DAAM2: variants seen among roughly 807,000 people sequenced by gnomAD.
DAAM2 encodes disheveled-associated activator of morphogenesis 2.
Under a neutral mutation model 120.7 loss-of-function variants are expected in DAAM2, and 39 were observed. The observed-to-expected ratio is 0.32, with a 90% CI of 0.25 to 0.42. DAAM2 has a LOEUF of 0.42. Among genes scored for constraint, DAAM2 ranks in the 10% least tolerant of loss-of-function variants. DAAM2 has a pLI of 1.00. For missense variants in DAAM2, 1,283 were observed against 1,401.7 expected (o/e 0.92, Z 1.35); for synonymous variants, 488 against 524.9 (o/e 0.93, Z 0.96).
intron 5 of DAAM2, 92 bp from the exon 6 acceptor site, chr6:39,867,418 G>A: frequency 8.1e-7 from 1 of 1,233,860 alleles, no homozygotes; most frequent in Admixed American, 1.8e-5. Context: ...GGGACAAGGT[G>A]CATGGTGGTA....
intron 1 of DAAM2, among the ~76,000 whole-genome samples, chr6:39,841,423 C>T (rs1393972973): frequency 6.6e-6 from 1 of 151,586 alleles, no homozygotes; most frequent in African/African-American, 2.4e-5. Flanking sequence ...GGGGGAGGGC[C>T]TCCAGAGGGA....
intron 10 of DAAM2, among the ~76,000 whole-genome samples, chr6:39,874,956 A>T (rs1428717250): frequency 6.6e-6 from 1 of 152,186 alleles, no homozygotes; most frequent in African/African-American, 2.4e-5. Flanking sequence ...TGGAGACTTC[A>T]TTATTCAGCA....
intron 14 of DAAM2, among the ~76,000 whole-genome samples, chr6:39,881,200 G>C (rs895693397): frequency 2.0e-5 from 3 of 151,808 alleles, no homozygotes; most frequent in African/African-American, 4.8e-5. Flanking sequence ...GATTGCCCAG[G>C]GGCCCAGAGC....
intron 1 of DAAM2, among the ~76,000 whole-genome samples, chr6:39,831,087 A>G (rs1251884813): frequency 6.6e-6 from 1 of 152,214 alleles, no homozygotes; most frequent in Non-Finnish European, 1.5e-5. Context: ...CTACACAGTT[A>G]GTAAGTTTCA....
chr6:39,815,687 G>A (rs1478612559), intron 1 of DAAM2, among the ~76,000 whole-genome samples: 3 of 127,196 alleles, frequency 2.4e-5, no homozygotes, highest in African/African-American at 6.0e-5. Flanking sequence ...CACACACACC[G>A]TTTACACAAG....
intron 22 of DAAM2, chr6:39,899,681 T>C (rs1303401830): frequency 2.3e-5 from 4 of 172,654 alleles, no homozygotes; most frequent in Admixed American, 5.4e-5. Context: ...GTGCGGTACA[T>C]GGACCAGCAG....
At position 39,871,495 on chromosome 6, in the gene DAAM2, A is replaced by C. The variant is rs902162222; in HGVS notation, c.978-11A>C. 5.2e-6 allele frequency: 8 copies of C among 1,551,050 alleles called. No homozygotes were observed. Among genetic ancestry groups the C allele is most frequent in the Admixed American group, 2.0e-5 (1 of 50,976 alleles). ...TAATGTCTACTCTCTCTGTCTCCCC[A>C]TTCTGTCTAGACATTTAGACTTCTT... On this transcript the variant is annotated splice_polypyrimidine_tract_variant and intron_variant, in intron 8 of 24. Coordinates refer to ENST00000274867, the MANE Select transcript of DAAM2 (RefSeq NM_001201427.2).
At chr6:39,801,805 G>C (rs772857011) in intron 1 of DAAM2, among the ~76,000 whole-genome samples, 8 of 152,130 alleles carry the variant, frequency 5.3e-5, no homozygotes, top group Non-Finnish European at 1.5e-5. Flanking sequence ...CCACATTCCC[G>C]GGGGGTCAGT....
intron 13 of DAAM2, 71 bp from the exon 14 acceptor site, chr6:39,879,107 A>T: frequency 1.0e-6 from 1 of 966,608 alleles, no homozygotes; most frequent in Non-Finnish European, 1.5e-6. Context: ...AAGGAGAGGA[A>T]TCATGGTGGG....
rs1766594224 is a variant in DAAM2 at position 39,903,306 on chromosome 6, A to C, written c.*1269A>C. 1 of 152,304 alleles carries C rather than the reference A, an allele frequency of 6.6e-6. No homozygotes were observed. Among genetic ancestry groups the C allele is most frequent in the South Asian group, 2.1e-4 (1 of 4,830 alleles). The allele number at this position is 152,304 out of a possible 1,614,324, so 9.4% of individuals were successfully genotyped here. On this transcript the variant is annotated 3_prime_UTR_variant, in exon 25 of 25. Transcript: ENST00000274867. ...GGAAGGCTGATATCCTCTGGGGAGC[A>C]CATCACCTGAAGGTGCCAAGGAGGA...
intron 1 of DAAM2, among the ~76,000 whole-genome samples, chr6:39,812,998 T>C (rs1337382942): frequency 6.8e-6 from 1 of 147,342 alleles, no homozygotes; most frequent in African/African-American, 2.5e-5. Context: ...CAGTGCCAGA[T>C]GGAAGTGGAT....
chr6:39,873,328 G>A lies in DAAM2; in HGVS notation c.1135G>A (p.Val379Met). 1.2e-6 allele frequency: 2 copies of A among 1,613,148 alleles called. No individual in the cohort carries two copies. Among genetic ancestry groups the A allele is most frequent in the Non-Finnish European group, 1.7e-6 (2 of 1,179,414 alleles). ...YTEAYPCLLS[V>M]LHHCLQMPYK... ...GGAGGCCTACCCCTGCCTGCTCTCT[G>A]TGCTGCACCACTGCCTGCAGATGCC... The change falls in exon 10 of 25, where the codon GTG becomes ATG. Residue 379 changes from valine to methionine, a missense_variant. Val to Met is a conservative substitution (Grantham distance 21). Around this residue, in one of 3 missense-constraint regions of DAAM2, gnomAD observed 338 missense variants for 443.9 expected, o/e 0.76. Coordinates refer to ENST00000274867, the MANE Select transcript of DAAM2 (RefSeq NM_001201427.2).
intron 1 of DAAM2, among the ~76,000 whole-genome samples, chr6:39,807,608 C>G (rs1055426538): frequency 6.6e-6 from 1 of 152,150 alleles, no homozygotes; most frequent in African/African-American, 2.4e-5. Flanking sequence ...CCTCCGCCTC[C>G]TGGGTTCAAG....
chr6:39,853,775 G>A (rs535423941), intron 1 of DAAM2, among the ~76,000 whole-genome samples: 2 of 152,268 alleles, frequency 1.3e-5, no homozygotes, highest in Admixed American at 6.5e-5. Context: ...GCTGCCTCTC[G>A]GAGCTCCCTT....
At chr6:39,801,830 C>T (rs1448192713) in intron 1 of DAAM2, among the ~76,000 whole-genome samples, 2 of 152,218 alleles carry the variant, frequency 1.3e-5, no homozygotes, top group African/African-American at 4.8e-5. Context: ...ACACTCCCTT[C>T]CTTGTTTCCT....
chr6:39,882,986 G>A (rs149495819), intron 14 of DAAM2, among the ~76,000 whole-genome samples: 102 of 152,236 alleles, frequency 6.7e-4, no homozygotes, highest in African/African-American at 2.3e-3. Context: ...GAGGGGGGTT[G>A]TAGGGAGGAA....
At chr6:39,849,775 G>A (rs1320535101) in intron 1 of DAAM2, among the ~76,000 whole-genome samples, 1 of 152,174 alleles carries the variant, frequency 6.6e-6, no homozygotes, top group South Asian at 2.1e-4. Context: ...AGCAGGTGTG[G>A]TGTAGGTGGG....
intron 5 of DAAM2, chr6:39,867,291 C>T: frequency 1.8e-6 from 1 of 568,192 alleles, no homozygotes; most frequent in African/African-American, 1.9e-5. Flanking sequence ...ATGCAACTGA[C>T]AATGATATGC....
intron 1 of DAAM2, among the ~76,000 whole-genome samples, chr6:39,853,747 T>G (rs1763898982): frequency 6.6e-6 from 1 of 152,178 alleles, no homozygotes. Context: ...CTCATGGTGC[T>G]GTCATCCCAG....
Sources: allele counts gnomAD v4.1 joint callset (sites outside exome capture counted in the v4.1 genomes callset), GRCh38; gene constraint gnomAD v4.1.1; regional missense constraint gnomAD v4.1.1; transcripts MANE v1.5; gene names NCBI Gene and HGNC (gene_info 2026-07-23, HGNC 2026-07-21).